The following TMEM217B variants were observed in gnomAD, a reference collection of about 807,000 sequenced individuals.
TMEM217B encodes the protein putative transmembrane protein 217B.
At chr6:37,213,122 T>C in the TMEM217B span, 1 of 689,252 alleles carries the variant, frequency 1.5e-6, no homozygotes, top group East Asian at 2.7e-5. Flanking sequence ...GGCAATAGGC[T>C]GGAAGTTAAG....
chr6:37,234,213 C>T, the TMEM217B span, among the ~76,000 whole-genome samples: 1 of 151,798 alleles, frequency 6.6e-6, no homozygotes. Flanking sequence ...GATTCTCCTG[C>T]CTCAGCCTCC....
At chr6:37,217,870 A>G in the TMEM217B span, 4 of 985,756 alleles carry the variant, frequency 4.1e-6, no homozygotes, top group Non-Finnish European at 4.8e-6. Context: ...GCTTCATCTT[A>G]TTCCATTCAT....
the TMEM217B span, among the ~76,000 whole-genome samples, chr6:37,243,077 C>T: frequency 6.6e-6 from 1 of 152,082 alleles, no homozygotes; most frequent in African/African-American, 2.4e-5. Flanking sequence ...TTTATGCCCA[C>T]ACTGTGAACA....
chr6:37,240,256 G>A, the TMEM217B span, among the ~76,000 whole-genome samples: 4 of 152,178 alleles, frequency 2.6e-5, no homozygotes, highest in Non-Finnish European at 5.9e-5. Flanking sequence ...GGTGGTTCTG[G>A]TTCAAGGTTT....
At chr6:37,250,126 G>A in the TMEM217B span, among the ~76,000 whole-genome samples, 1 of 152,138 alleles carries the variant, frequency 6.6e-6, no homozygotes, top group Admixed American at 6.5e-5. Flanking sequence ...TCATACTATT[G>A]TCTAAAAGAA....
chr6:37,218,436 C>T, the TMEM217B span: 1 of 1,606,592 alleles, frequency 6.2e-7, no homozygotes. Flanking sequence ...CTCTGCCTCT[C>T]AAAGTACTGG....
At chr6:37,220,483 T>C in the TMEM217B span, among the ~76,000 whole-genome samples, 1 of 151,842 alleles carries the variant, frequency 6.6e-6, no homozygotes, top group East Asian at 1.9e-4. Flanking sequence ...AAAGTTGGCT[T>C]GTTAACTACA....
the TMEM217B span, among the ~76,000 whole-genome samples, chr6:37,223,372 G>A: frequency 6.6e-6 from 1 of 152,290 alleles, no homozygotes; most frequent in East Asian, 1.9e-4. Flanking sequence ...CAGCCAATGG[G>A]CTTTTTATTT....
the TMEM217B span, among the ~76,000 whole-genome samples, chr6:37,242,908 G>A: frequency 6.6e-6 from 1 of 152,088 alleles, no homozygotes; most frequent in Non-Finnish European, 1.5e-5. Context: ...TCTTTCATAG[G>A]AAGTAAAACA....
the TMEM217B span, among the ~76,000 whole-genome samples, chr6:37,222,320 C>T: frequency 8.5e-5 from 13 of 152,148 alleles, no homozygotes; most frequent in Non-Finnish European, 2.9e-5. Flanking sequence ...CCATCCATGG[C>T]CCCCCCAGGG....
At chr6:37,252,472 C>A in the TMEM217B span, among the ~76,000 whole-genome samples, 3 of 151,410 alleles carry the variant, frequency 2.0e-5, no homozygotes, top group African/African-American at 7.3e-5. Context: ...TACATGTATA[C>A]ATACATAACA....
chr6:37,228,659 G>A, the TMEM217B span, among the ~76,000 whole-genome samples: 2 of 152,054 alleles, frequency 1.3e-5, no homozygotes, highest in African/African-American at 4.8e-5. Flanking sequence ...AGCCGAGATC[G>A]CGCCACTGCA....
the TMEM217B span, among the ~76,000 whole-genome samples, chr6:37,213,440 CA>C: frequency 1.3e-5 from 2 of 152,266 alleles, no homozygotes; most frequent in Non-Finnish European, 2.9e-5. Context: ...CCTCTGCCCC[CA>C]CTACTCTTTC....
chr6:37,215,570 C>CGAAAAA, the TMEM217B span, among the ~76,000 whole-genome samples: 2 of 72,376 alleles, frequency 2.8e-5, no homozygotes, highest in Non-Finnish European at 2.4e-5. Flanking sequence ...GACTCTGTCT[C>CGAAAAA]AAAAAAAAAA....
At chr6:37,212,706 G>C in the TMEM217B span, 1 of 639,896 alleles carries the variant, frequency 1.6e-6, no homozygotes, top group Non-Finnish European at 2.9e-6. Flanking sequence ...ACATGGCATA[G>C]ATCAGCAGCC....
the TMEM217B span, chr6:37,217,786 G>C: frequency 3.3e-4 from 328 of 985,266 alleles, no homozygotes; most frequent in Non-Finnish European, 3.7e-4. Flanking sequence ...GCTTATCCCA[G>C]GGTTAAATTA....
At chr6:37,251,351 G>T in the TMEM217B span, among the ~76,000 whole-genome samples, 3 of 133,382 alleles carry the variant, frequency 2.2e-5, no homozygotes, top group Non-Finnish European at 5.0e-5. Flanking sequence ...GACTAAGACA[G>T]TTGAGAAACT....
the TMEM217B span, among the ~76,000 whole-genome samples, chr6:37,246,653 G>C: frequency 3.5e-3 from 538 of 152,102 alleles, no homozygotes; most frequent in Non-Finnish European, 5.9e-3. Flanking sequence ...CTGTAACCCC[G>C]GCACTTTGGG....
chr6:37,233,474 T>C, the TMEM217B span, among the ~76,000 whole-genome samples: 2 of 152,216 alleles, frequency 1.3e-5, no homozygotes, highest in African/African-American at 4.8e-5. Context: ...ATCTTGCCAC[T>C]GCATGCTCAC....
Sources: gnomAD v4.1 joint callset for allele counts (sites outside exome capture counted in the v4.1 genomes callset) on GRCh38, gnomAD v4.1.1 for gene constraint, MANE v1.5 for transcripts, NCBI Gene and HGNC (gene_info 2026-07-23, HGNC 2026-07-21) for gene names.